Variants in NEK6 observed in about 807,000 individuals in gnomAD.
NEK6 encodes the protein serine/threonine-protein kinase Nek6.
In NEK6, 27 loss-of-function variants were observed where a neutral mutation model predicts 43.5. The ratio of observed to expected loss-of-function variants is 0.62; its 90% CI spans 0.46 to 0.86. The LOEUF (loss-of-function observed/expected upper bound fraction) is 0.86, where lower values mean the gene tolerates loss of function less well. NEK6 is among the 40% of genes least tolerant of loss of function. NEK6 has a pLI of 0.00. For synonymous variants in NEK6, 167 were observed against 164.1 expected, an observed-to-expected ratio of 1.02 and a Z score of -0.14; for missense variants, 318 against 414.4, an observed-to-expected ratio of 0.77 and a Z score of 2.02.
intron 4 of NEK6, among the ~76,000 whole-genome samples, chr9:124,317,401 C>T (rs1231533606): frequency 5.3e-5 from 8 of 152,148 alleles, no homozygotes; most frequent in African/African-American, 1.9e-4. Context: ...TTTGTAGAGA[C>T]GGGGTTTCAC....
intron 2 of NEK6, among the ~76,000 whole-genome samples, chr9:124,305,937 T>C (rs1833234326): frequency 6.6e-6 from 1 of 152,206 alleles, no homozygotes; most frequent in South Asian, 2.1e-4. Flanking sequence ...TACTATCTCA[T>C]TTGAAATTGA....
At chr9:124,257,947 A>AGGC (rs1554842229), upstream of NEK6, 12 of 976,594 alleles carry the variant, frequency 1.2e-5, no homozygotes, top group Admixed American at 6.4e-5. Context: ...GGGCCCGCGC[A>AGGC]GGCGGTGGCG....
intron 7 of NEK6, among the ~76,000 whole-genome samples, chr9:124,327,759 C>T (rs991761415): frequency 3.9e-5 from 6 of 152,220 alleles, no homozygotes; most frequent in African/African-American, 1.4e-4. Context: ...CTGTGAGTGT[C>T]CCGTTCACGG....
At position 124,343,843 on chromosome 9, in the gene NEK6, G is replaced by A. The variant is rs181451187; in HGVS notation, c.718-3866G>A. 1.8e-4 allele frequency among the ~76,000 whole-genome samples: 28 copies of A among 152,266 alleles called. No individual in the cohort carries two copies. The highest frequency in any genetic ancestry group is 6.0e-4 in the African/African-American group (25 of 41,554). On this transcript the variant is annotated intron_variant, in intron 8 of 9. Transcript: ENST00000320246. This position sits in a 1 kb window ranked among gnomAD's most constrained non-coding sequence, Gnocchi z 5.1. The stretch of plus-strand genomic sequence containing the variant: ...CCTTCCCCAAGCCCCAGCACAGCCC[G>A]GAAGGCTCAAAAGCCCCTGTGCTCA...
chr9:124,328,487 G>A (rs575770930), intron 7 of NEK6, among the ~76,000 whole-genome samples: 23 of 152,194 alleles, frequency 1.5e-4, no homozygotes, highest in Admixed American at 1.2e-3. Flanking sequence ...ACCAGCATCC[G>A]CTTCCCCAGG....
chr9:124,326,897 C>T lies in NEK6; in HGVS notation c.515-441C>T, dbSNP rs1162628421. 6.6e-6 allele frequency among the ~76,000 whole-genome samples: 1 copy of T among 152,186 alleles called. No individual in the cohort carries two copies. Among genetic ancestry groups the T allele is most frequent in the East Asian group, 1.9e-4 (1 of 5,184 alleles). On this transcript the variant is annotated intron_variant, in intron 6 of 9. Transcript: ENST00000320246. The surrounding 1 kb of genome is among the most constrained non-coding windows in gnomAD (Gnocchi z 4.5). ...AGGCTGCTTCATGGACACCTCCGTT[C>T]CTTCACTCTACCTGTATCTCTTGGT...
intron 7 of NEK6, among the ~76,000 whole-genome samples, chr9:124,328,149 G>A (rs749178402): frequency 5.3e-5 from 8 of 152,174 alleles, no homozygotes; most frequent in African/African-American, 1.4e-4. Context: ...TTTGGGGACA[G>A]GTGAAGCAAT....
intron 5 of NEK6, among the ~76,000 whole-genome samples, chr9:124,325,614 C>A (rs1441068734): frequency 2.0e-5 from 3 of 152,274 alleles, no homozygotes; most frequent in Admixed American, 6.5e-5. Context: ...TGAGCCGTGG[C>A]TGTCACATGC....
upstream of NEK6, chr9:124,257,918 GGCGGGCGCGCGGGCGC>G: frequency 1.0e-6 from 1 of 969,110 alleles, no homozygotes; most frequent in Non-Finnish European, 1.2e-6. Flanking sequence ...GGCGGGGAGG[GGCGGGCGCGCGGGCGC>G]GCGGGCCCGC....
chr9:124,347,673 C>T (rs1830010901), intron 8 of NEK6, 36 bp from the exon 9 acceptor site: 2 of 1,396,204 alleles, frequency 1.4e-6, no homozygotes, highest in African/African-American at 1.4e-5. Context: ...AGCCTTGAGG[C>T]CGAAAGCTTA....
chr9:124,271,451 GTACT>G (rs918489773), intron 1 of NEK6, among the ~76,000 whole-genome samples: 4 of 152,230 alleles, frequency 2.6e-5, no homozygotes, highest in Admixed American at 6.5e-5. Context: ...CAGGTGAGGG[GTACT>G]TACTTAGTAC....
intron 4 of NEK6, among the ~76,000 whole-genome samples, chr9:124,318,916 CCA>C (rs1833939454): frequency 6.6e-6 from 1 of 152,024 alleles, no homozygotes; most frequent in South Asian, 2.1e-4. Context: ...GGTGATCCAC[CCA>C]CCTTGGCCTC....
chr9:124,292,334 G>C, intron 1 of NEK6: 7 of 1,452,540 alleles, frequency 4.8e-6, no homozygotes, highest in Non-Finnish European at 6.3e-6. Context: ...GCTGATGGCT[G>C]CTTTCACATT....
chr9:124,257,950 C>CGGT lies in NEK6; in HGVS notation c.-162_-160dup, dbSNP rs1362845477. The CGGT allele has an allele frequency of 1.0e-6, 1 of 978,010 alleles. No homozygotes were observed. Among genetic ancestry groups the CGGT allele is most frequent in the African/African-American group, 1.8e-5 (1 of 56,316 alleles). The allele number at this position is 978,010 out of a possible 1,614,324, so 60.6% of individuals were successfully genotyped here. ...GCGCGGGCGCGCGGGCCCGCGCAGG[C>CGGT]GGTGGCGGCGGCGGCGGAACCGAGC... On this transcript the variant is annotated 5_prime_UTR_variant, in exon 1 of 10. Transcript: ENST00000320246.
intron 1 of NEK6, among the ~76,000 whole-genome samples, chr9:124,264,730 A>G (rs1831158708): frequency 6.7e-6 from 1 of 149,888 alleles, no homozygotes; most frequent in Non-Finnish European, 1.5e-5. Context: ...CGTGAGAATC[A>G]CTTGAACCTG....
intron 7 of NEK6, among the ~76,000 whole-genome samples, chr9:124,334,947 A>G (rs866232174): frequency 6.6e-6 from 1 of 152,212 alleles, no homozygotes; most frequent in Non-Finnish European, 1.5e-5. Context: ...CAGGGTGGGA[A>G]GAGCCTGTAG....
At chr9:124,300,311 C>G (rs1278899738) in intron 1 of NEK6, among the ~76,000 whole-genome samples, 1 of 152,142 alleles carries the variant, frequency 6.6e-6, no homozygotes, top group Non-Finnish European at 1.5e-5. Context: ...ACACAGTGGC[C>G]GGACCTCTAG....
At chr9:124,307,855 G>A (rs1176458829) in intron 2 of NEK6, among the ~76,000 whole-genome samples, 1 of 152,168 alleles carries the variant, frequency 6.6e-6, no homozygotes, top group Non-Finnish European at 1.5e-5. Flanking sequence ...CAAGGTTACC[G>A]CCAGCCGCCG....
intron 7 of NEK6, among the ~76,000 whole-genome samples, chr9:124,330,867 C>T (rs1828945002): frequency 6.6e-6 from 1 of 152,110 alleles, no homozygotes; most frequent in African/African-American, 2.4e-5. Context: ...CCCAGGGTGG[C>T]TCCACCCCTC....
Sources: gnomAD v4.1 joint callset for allele counts (sites outside exome capture counted in the v4.1 genomes callset) on GRCh38, gnomAD v4.1.1 for gene constraint, Gnocchi (gnomAD v3.1) non-coding constraint, MANE v1.5 for transcripts, NCBI Gene and HGNC (gene_info 2026-07-23, HGNC 2026-07-21) for gene names.